The following PTPN5 variants were observed in gnomAD, a reference collection of about 807,000 sequenced individuals.
The protein encoded by PTPN5 is tyrosine-protein phosphatase non-receptor type 5.
PTPN5 carries 29 observed loss-of-function variants against 73.9 expected under a neutral mutation model. The observed-to-expected ratio is 0.39, with a 90% CI of 0.29 to 0.54. The LOEUF (loss-of-function observed/expected upper bound fraction) is 0.54, where lower values mean the gene tolerates loss of function less well. Among genes scored for constraint, PTPN5 ranks in the 20% least tolerant of loss-of-function variants. The probability of loss-of-function intolerance (pLI) is 0.65; values close to 1 mark genes in which losing one functional copy is unlikely to be tolerated. For missense variants in PTPN5, 652 were observed against 751.4 expected (o/e 0.87, Z 1.55); for synonymous variants, 267 against 304.7 (o/e 0.88, Z 1.29).
chr11:18,763,040 A>C (rs1176949753), intron 3 of PTPN5, among the ~76,000 whole-genome samples: 1 of 152,262 alleles, frequency 6.6e-6, no homozygotes, highest in Admixed American at 6.5e-5. Flanking sequence ...TGGAGGATGC[A>C]GAAATGAAAC....
chr11:18,784,610 C>CA (rs1196488102), intron 1 of PTPN5, among the ~76,000 whole-genome samples: 3 of 152,164 alleles, frequency 2.0e-5, no homozygotes, highest in African/African-American at 7.2e-5. Context: ...CTTAACGCCA[C>CA]AAAATTATAC....
intron 1 of PTPN5, among the ~76,000 whole-genome samples, chr11:18,775,228 A>C (rs1273900856): frequency 6.6e-6 from 1 of 152,228 alleles, no homozygotes; most frequent in East Asian, 1.9e-4. Context: ...TTCACTTTTT[A>C]GCTTTTGGTA....
intron 2 of PTPN5, among the ~76,000 whole-genome samples, chr11:18,770,432 C>T (rs958873363): frequency 1.3e-5 from 2 of 152,210 alleles, no homozygotes; most frequent in Non-Finnish European, 2.9e-5. Context: ...TGGCTTCTTG[C>T]ACTTAGCAAG....
intron 3 of PTPN5, among the ~76,000 whole-genome samples, chr11:18,754,794 T>C (rs1200757587): frequency 6.6e-6 from 1 of 152,198 alleles, no homozygotes; most frequent in Non-Finnish European, 1.5e-5. Flanking sequence ...TTTCTCTCAT[T>C]GTAGGTGCAC....
rs1481972477 is a variant in PTPN5, at chr11:18,742,462, T to C, written c.525A>G (p.Pro175=). Reference sequence around the variant, plus strand: ...ACTGGCGCCTGTCCTCAGGGGGCAGTGGGGTGGGTGGCTCTGGGGGTGTCC... The same window carrying C: ...ACTGGCGCCTGTCCTCAGGGGGCAGCGGGGTGGGTGGCTCTGGGGGTGTCC... ...LLRTPPEPPT[P]LPPEDRRQSV... is the part of the protein sequence containing the mutation. Residue 175 remains proline, a synonymous_variant, in exon 7 of 15, where the codon CCA becomes CCG. Transcript: ENST00000358540. The surrounding 1 kb of genome is among the most constrained non-coding windows in gnomAD (Gnocchi z 4.1). The C allele has an allele frequency of 6.2e-7, 1 of 1,613,940 alleles. No individual in the cohort carries two copies. Among genetic ancestry groups the C allele is most frequent in the Admixed American group, 1.7e-5 (1 of 60,014 alleles).
chr11:18,791,153 A>G (rs1851903527), intron 1 of PTPN5, among the ~76,000 whole-genome samples: 2 of 152,176 alleles, frequency 1.3e-5, no homozygotes, highest in African/African-American at 2.4e-5. Context: ...GCGATTTCCA[A>G]TCTCCCTCAG....
At chr11:18,787,534 GTC>G in intron 1 of PTPN5, among the ~76,000 whole-genome samples, 1 of 152,030 alleles carries the variant, frequency 6.6e-6, no homozygotes, top group South Asian at 2.1e-4. Context: ...TTCCCCCTTT[GTC>G]TGTCTCTTAC....
At chr11:18,785,320 G>A (rs1851621158) in intron 1 of PTPN5, among the ~76,000 whole-genome samples, 1 of 152,178 alleles carries the variant, frequency 6.6e-6, no homozygotes, top group Non-Finnish European at 1.5e-5. Context: ...TATTGACTAT[G>A]TGCAACAATA....
intron 3 of PTPN5, among the ~76,000 whole-genome samples, chr11:18,762,316 G>A (rs1850435437): frequency 6.6e-6 from 1 of 152,136 alleles, no homozygotes; most frequent in Non-Finnish European, 1.5e-5. Flanking sequence ...GAGTACTTGA[G>A]GGCTGGATTT....
chr11:18,784,691 C>A (rs1333131499), intron 1 of PTPN5, among the ~76,000 whole-genome samples: 2 of 152,090 alleles, frequency 1.3e-5, no homozygotes, highest in African/African-American at 2.4e-5. Context: ...AAGCCTCCCA[C>A]ACCAAACAAA....
intron 2 of PTPN5, among the ~76,000 whole-genome samples, chr11:18,767,710 C>A (rs1053805611): frequency 5.3e-5 from 8 of 152,254 alleles, no homozygotes; most frequent in Non-Finnish European, 1.0e-4. Flanking sequence ...GAATCAATTC[C>A]TCAGAACTCA....
chr11:18,780,897 G>A (rs747242696), intron 1 of PTPN5, among the ~76,000 whole-genome samples: 1 of 152,116 alleles, frequency 6.6e-6, no homozygotes, highest in Non-Finnish European at 1.5e-5. Context: ...GACCAAGTGG[G>A]AGAAAAAGAA....
rs1436400107 is a variant in PTPN5 at position 18,733,349 on chromosome 11, C to T, written c.1104G>A (p.Val368=). Residue 368 remains valine, a synonymous_variant, in exon 11 of 15, where the codon GTG becomes GTA. Coordinates refer to ENST00000358540, the MANE Select transcript of PTPN5 (RefSeq NM_006906.2). The surrounding 1 kb of genome is among the most constrained non-coding windows in gnomAD (Gnocchi z 4.3). ...YIRGYGGEEK[V]YIATQGPIVS... ...CGATGGGTCCCTGAGTGGCGATGTACACCTTCTCCTCCCCACCATAGCCCT... is the reference window on the plus strand; with the variant it reads ...CGATGGGTCCCTGAGTGGCGATGTATACCTTCTCCTCCCCACCATAGCCCT... The T allele has an allele frequency of 1.2e-6, 2 of 1,613,934 alleles. No individual in the cohort carries two copies. The highest frequency in any genetic ancestry group is 2.7e-5 in the African/African-American group (2 of 74,926).
At chr11:18,751,271 A>C (rs1849877689) in intron 3 of PTPN5, among the ~76,000 whole-genome samples, 2 of 152,218 alleles carry the variant, frequency 1.3e-5, no homozygotes, top group African/African-American at 2.4e-5. Context: ...TGAAGAGCAG[A>C]GTCCCTGAAA....
intron 9 of PTPN5, among the ~76,000 whole-genome samples, chr11:18,735,139 T>C (rs1016426599): frequency 4.6e-5 from 7 of 152,180 alleles, no homozygotes; most frequent in African/African-American, 1.7e-4. Flanking sequence ...ATTCCTGACA[T>C]TATTACAAGT....
intron 3 of PTPN5, among the ~76,000 whole-genome samples, chr11:18,747,725 G>A (rs1292434937): frequency 6.6e-6 from 1 of 152,154 alleles, no homozygotes; most frequent in Non-Finnish European, 1.5e-5. Flanking sequence ...AATTTTGATG[G>A]TATGGACTAA....
chr11:18,732,667 C>G lies in PTPN5; in HGVS notation c.1254G>C (p.Ala418=). ...GCACAGTGATCTCAACACCGTCGTA[C>G]GCCACCTGCTCCTCCGGCCAATACT... ...CTEYWPEEQV[A]YDGVEITVQK... Residue 418 remains alanine (A), a synonymous_variant, in exon 12 of 15, where the codon GCG becomes GCC. Transcript: ENST00000358540. 6.2e-7 allele frequency: 1 copy of G among 1,613,936 alleles called. No individual in the cohort carries two copies. The highest frequency in any genetic ancestry group is 8.5e-7 in the Non-Finnish European group (1 of 1,180,028).
intron 3 of PTPN5, among the ~76,000 whole-genome samples, chr11:18,747,552 A>G (rs1430095467): frequency 6.6e-6 from 1 of 152,236 alleles, no homozygotes; most frequent in Non-Finnish European, 1.5e-5. Flanking sequence ...TAAAGCTCTG[A>G]ATCACAAATT....
chr11:18,746,650 T>A (rs1849656583), intron 3 of PTPN5, among the ~76,000 whole-genome samples: 1 of 152,196 alleles, frequency 6.6e-6, no homozygotes, highest in Non-Finnish European at 1.5e-5. Context: ...AGTAAAGACA[T>A]GTTTACAATA....
Sources: gnomAD v4.1 joint callset for allele counts (sites outside exome capture counted in the v4.1 genomes callset) on GRCh38, gnomAD v4.1.1 for gene constraint, Gnocchi (gnomAD v3.1) non-coding constraint, MANE v1.5 for transcripts, NCBI Gene and HGNC (gene_info 2026-07-23, HGNC 2026-07-21) for gene names.